RALYL: variants seen among roughly 807,000 people sequenced by gnomAD.
The protein encoded by RALYL is RALY RNA binding protein like.
In RALYL, 29 loss-of-function variants were observed where a neutral mutation model predicts 35.1. The observed-to-expected ratio is 0.83, with a 90% CI of 0.61 to 1.13. RALYL has a LOEUF of 1.13. Ranked by LOEUF, RALYL falls within the 50% of genes most tolerant of loss-of-function variation. RALYL has a pLI of 0.00. For missense variants in RALYL, 359 were observed against 360.4 expected, an observed-to-expected ratio of 1.00 and a Z score of 0.03; for synonymous variants, 120 against 127.6, an observed-to-expected ratio of 0.94 and a Z score of 0.40.
intron 2 of RALYL, among the ~76,000 whole-genome samples, chr8:84,632,961 T>C (rs1202015567): frequency 6.6e-6 from 1 of 151,900 alleles, no homozygotes; most frequent in Admixed American, 6.6e-5. Context: ...CCATTCAGAA[T>C]GGAATAGATT....
intron 3 of RALYL, among the ~76,000 whole-genome samples, chr8:84,778,271 C>T (rs951063777): frequency 2.6e-5 from 4 of 152,164 alleles, no homozygotes; most frequent in Non-Finnish European, 4.4e-5. Flanking sequence ...TCTCCAATAC[C>T]AATCACAAAG....
intron 1 of RALYL, among the ~76,000 whole-genome samples, chr8:84,362,881 A>G (rs1405015468): frequency 5.9e-5 from 9 of 152,128 alleles, no homozygotes; most frequent in African/African-American, 2.2e-4. Context: ...AAGAACCACA[A>G]TGTGTGGTTT....
At chr8:84,706,564 A>G (rs888929596) in intron 2 of RALYL, among the ~76,000 whole-genome samples, 1 of 152,114 alleles carries the variant, frequency 6.6e-6, no homozygotes, top group Non-Finnish European at 1.5e-5. Context: ...TCATTGCCAA[A>G]CTTCTTGGTC....
intron 1 of RALYL, among the ~76,000 whole-genome samples, chr8:84,239,615 G>T (rs943022397): frequency 1.1e-4 from 16 of 152,246 alleles, no homozygotes; most frequent in South Asian, 4.2e-4. Context: ...GCTCGGTGGG[G>T]CGTGGTGGCT....
chr8:84,819,144 G>T (rs1827965999), intron 4 of RALYL, among the ~76,000 whole-genome samples: 1 of 151,948 alleles, frequency 6.6e-6, no homozygotes, highest in Non-Finnish European at 1.5e-5. Flanking sequence ...TTTTTTTTAA[G>T]ACTCAGACAG....
At chr8:84,403,524 G>GGTTTTT (rs2043141786) in intron 1 of RALYL, among the ~76,000 whole-genome samples, 1 of 39,426 alleles carries the variant, frequency 2.5e-5, no homozygotes, top group Admixed American at 4.0e-4. Context: ...CTATATCTCT[G>GGTTTTT]TTTTTTTTTT....
Position 84,873,407 on chromosome 8 carries a change from C to T in RALYL, c.685+10C>T. 6.7e-7 allele frequency: 1 copy of T among 1,501,536 alleles called. No individual in the cohort carries two copies. Among genetic ancestry groups the T allele is most frequent in the South Asian group, 1.2e-5 (1 of 84,766 alleles). The allele number at this position is 1,501,536 out of a possible 1,614,324, so 93.0% of individuals were successfully genotyped here. ...CAGAAGGCGGAGGCAGGTAAGTGATCTCTGATCACAGACAGGTCAGAATTG... is the reference window on the plus strand; with the variant it reads ...CAGAAGGCGGAGGCAGGTAAGTGATTTCTGATCACAGACAGGTCAGAATTG... On this transcript the variant is annotated intron_variant, in intron 7 of 8. Coordinates refer to ENST00000521268, the MANE Select transcript of RALYL (RefSeq NM_173848.7).
chr8:84,413,110 A>G (rs892640839), intron 1 of RALYL, among the ~76,000 whole-genome samples: 14 of 150,272 alleles, frequency 9.3e-5, no homozygotes, highest in Admixed American at 2.7e-4. Context: ...CTAATTAAAA[A>G]CTATATAATT....
chr8:84,727,940 G>T (rs192341409), intron 2 of RALYL, among the ~76,000 whole-genome samples: 2 of 152,096 alleles, frequency 1.3e-5, no homozygotes, highest in African/African-American at 4.8e-5. Context: ...ACATACATGT[G>T]CATGTGTCTT....
intron 1 of RALYL, among the ~76,000 whole-genome samples, chr8:84,309,298 A>C (rs1842343845): frequency 1.3e-5 from 2 of 151,740 alleles, no homozygotes; most frequent in Non-Finnish European, 3.0e-5. Context: ...TGGAAAATTC[A>C]CAGGAATTGA....
intron 4 of RALYL, among the ~76,000 whole-genome samples, chr8:84,821,045 C>G (rs1467366334): frequency 6.6e-6 from 1 of 152,132 alleles, no homozygotes; most frequent in African/African-American, 2.4e-5. Flanking sequence ...CTACCTTCAA[C>G]TCATCTCAAA....
chr8:84,511,852 A>G (rs1319148285), intron 1 of RALYL, among the ~76,000 whole-genome samples: 1 of 152,170 alleles, frequency 6.6e-6, no homozygotes. Context: ...AGCTCCATCC[A>G]TGCTGTGCAA....
chr8:84,467,901 C>T (rs1303153647), intron 1 of RALYL, among the ~76,000 whole-genome samples: 7 of 136,684 alleles, frequency 5.1e-5, no homozygotes, highest in South Asian at 2.7e-4. Context: ...TATGTAATGG[C>T]CTTCTTTGTC....
At chr8:84,529,923 C>A (rs1588012533) in intron 2 of RALYL, among the ~76,000 whole-genome samples, 1 of 152,238 alleles carries the variant, frequency 6.6e-6, no homozygotes, top group South Asian at 2.1e-4. Context: ...AAAATAACTT[C>A]ACTTGTCATA....
At chr8:84,301,110 A>C (rs567004536) in intron 1 of RALYL, among the ~76,000 whole-genome samples, 1 of 152,068 alleles carries the variant, frequency 6.6e-6, no homozygotes, top group South Asian at 2.1e-4. Flanking sequence ...TGCTTTTCTG[A>C]AAAGGCTTTT....
chr8:84,876,026 G>T lies in RALYL; in HGVS notation c.685+2629G>T, dbSNP rs1841063444. Reference sequence around the variant, plus strand: ...GCTGTGCCTGAGGTCAAGTTCCATAGTATCTTTTTTTTGGAAGCGAACTCC... The same window carrying T: ...GCTGTGCCTGAGGTCAAGTTCCATATTATCTTTTTTTTGGAAGCGAACTCC... On this transcript the variant is annotated intron_variant, in intron 7 of 8. Coordinates refer to ENST00000521268, the MANE Select transcript of RALYL (RefSeq NM_173848.7). Among the ~76,000 whole-genome samples, 4 of 152,262 alleles carry T rather than the reference G, an allele frequency of 2.6e-5. No homozygotes were observed. In the South Asian group the frequency reaches 8.3e-4, roughly 32 times the overall value.
chr8:84,697,267 T>G lies in RALYL; in HGVS notation c.257-77312T>G, dbSNP rs552973869. On this transcript the variant is annotated intron_variant, in intron 2 of 8. Transcript: ENST00000521268. Reference sequence around the variant, plus strand: ...TTTTTTAAAGCCCATAAAGAATTACTTATCATAGTATTGGTCTTTGTCTAT... The same window carrying G: ...TTTTTTAAAGCCCATAAAGAATTACGTATCATAGTATTGGTCTTTGTCTAT... Among the ~76,000 whole-genome samples, 115 of 152,082 alleles carry G rather than the reference T, an allele frequency of 7.6e-4. 1 individual carries two copies. The highest frequency in any genetic ancestry group is 1.8e-3 in the Admixed American group (27 of 15,242).
intron 1 of RALYL, among the ~76,000 whole-genome samples, chr8:84,487,309 G>C (rs1400661236): frequency 6.6e-6 from 1 of 152,030 alleles, no homozygotes; most frequent in East Asian, 1.9e-4. Context: ...CTGTTGGACT[G>C]TTCCTACTGT....
At chr8:84,617,365 G>C (rs1820016131) in intron 2 of RALYL, among the ~76,000 whole-genome samples, 1 of 150,298 alleles carries the variant, frequency 6.7e-6, no homozygotes, top group Non-Finnish European at 1.5e-5. Context: ...TTGTGAATGG[G>C]AGTTCACTCA....
Sources: allele counts gnomAD v4.1 joint callset (sites outside exome capture counted in the v4.1 genomes callset), GRCh38; gene constraint gnomAD v4.1.1; transcripts MANE v1.5; gene names NCBI Gene and HGNC (gene_info 2026-07-23, HGNC 2026-07-21).